Variants in WDR70 observed in about 807,000 individuals in gnomAD.
WDR70 encodes WD repeat-containing protein 70.
WDR70 carries 53 observed loss-of-function variants against 88.6 expected under a neutral mutation model. The ratio of observed to expected loss-of-function variants is 0.60; its 90% CI spans 0.48 to 0.75. The LOEUF (loss-of-function observed/expected upper bound fraction) is 0.75, where lower values mean the gene tolerates loss of function less well. Among genes scored for constraint, WDR70 ranks in the 30% least tolerant of loss-of-function variants. The probability of loss-of-function intolerance (pLI) is 0.00; values close to 1 mark genes in which losing one functional copy is unlikely to be tolerated. For synonymous variants in WDR70, 280 were observed against 270.0 expected (o/e 1.04, Z -0.36); for missense variants, 610 against 823.2 (o/e 0.74, Z 3.17).
intron 10 of WDR70, among the ~76,000 whole-genome samples, chr5:37,605,711 A>G (rs552277640): frequency 2.0e-5 from 3 of 152,290 alleles, no homozygotes; most frequent in African/African-American, 7.2e-5. Context: ...ATGACATTTC[A>G]TATAGATAGG....
chr5:37,524,415 C>T (rs1458341489), intron 9 of WDR70, among the ~76,000 whole-genome samples: 1 of 152,148 alleles, frequency 6.6e-6, no homozygotes, highest in Non-Finnish European at 1.5e-5. Context: ...AAATCCTTTA[C>T]AGACAAGCAA....
At chr5:37,640,529 A>G (rs1421413190) in intron 10 of WDR70, among the ~76,000 whole-genome samples, 2 of 152,168 alleles carry the variant, frequency 1.3e-5, no homozygotes, top group Non-Finnish European at 1.5e-5. Context: ...TGACATTTAG[A>G]TCTACAGACT....
chr5:37,604,062 T>A (rs1329566428), intron 9 of WDR70, among the ~76,000 whole-genome samples: 2 of 152,230 alleles, frequency 1.3e-5, no homozygotes, highest in African/African-American at 2.4e-5. Flanking sequence ...AAACATTTTT[T>A]AAAATGCATT....
chr5:37,591,488 A>G (rs1743530571), intron 9 of WDR70, among the ~76,000 whole-genome samples: 1 of 152,236 alleles, frequency 6.6e-6, no homozygotes, highest in South Asian at 2.1e-4. Flanking sequence ...ACAAATTATG[A>G]AAGATCATTC....
intron 9 of WDR70, among the ~76,000 whole-genome samples, chr5:37,519,975 C>T (rs1033820820): frequency 1.3e-5 from 2 of 152,104 alleles, no homozygotes; most frequent in African/African-American, 4.8e-5. Context: ...ATCTGCTCAT[C>T]CATGACTCAA....
At chr5:37,598,920 C>T (rs182538248) in intron 9 of WDR70, among the ~76,000 whole-genome samples, 5 of 152,298 alleles carry the variant, frequency 3.3e-5, no homozygotes, top group East Asian at 1.9e-4. Flanking sequence ...TTGCCCCAGG[C>T]GCAAATGCTT....
chr5:37,716,015 G>A (rs1747646136), intron 13 of WDR70, among the ~76,000 whole-genome samples: 1 of 152,126 alleles, frequency 6.6e-6, no homozygotes, highest in African/African-American at 2.4e-5. Context: ...GCAAAATTGT[G>A]TAACAGACTC....
intron 10 of WDR70, among the ~76,000 whole-genome samples, chr5:37,689,048 C>T (rs11750837): frequency 0.24 from 36,756 of 152,246 alleles, 5,119 homozygotes; most frequent in Admixed American, 0.38. Context: ...GTGCCTGGCT[C>T]GGCGGGTCCC....
chr5:37,517,996 C>G (rs1740946073), intron 9 of WDR70, among the ~76,000 whole-genome samples: 1 of 151,454 alleles, frequency 6.6e-6, no homozygotes, highest in African/African-American at 2.4e-5. Flanking sequence ...CTCACTGCAC[C>G]TTCCAACTCC....
At chr5:37,658,233 G>A (rs1353635916) in intron 10 of WDR70, among the ~76,000 whole-genome samples, 3 of 151,544 alleles carry the variant, frequency 2.0e-5, no homozygotes, top group Admixed American at 6.6e-5. Context: ...GCAGGGCAAA[G>A]TCTGCATATA....
At chr5:37,692,485 A>C (rs1482676387) in intron 10 of WDR70, among the ~76,000 whole-genome samples, 1 of 152,218 alleles carries the variant, frequency 6.6e-6, no homozygotes, top group African/African-American at 2.4e-5. Flanking sequence ...TGGCAAACTG[A>C]ATCCAGCAGC....
At chr5:37,476,556 T>TTC (rs1228959534) in intron 7 of WDR70, among the ~76,000 whole-genome samples, 2 of 9,892 alleles carry the variant, frequency 2.0e-4, no homozygotes, top group Non-Finnish European at 0.045. Context: ...TTTCTTCTTC[T>TTC]TTTTTTTTTT....
At chr5:37,519,917 T>A (rs1431832828) in intron 9 of WDR70, among the ~76,000 whole-genome samples, 1 of 152,238 alleles carries the variant, frequency 6.6e-6, no homozygotes, top group Non-Finnish European at 1.5e-5. Context: ...TCCCTTTTTC[T>A]CCACATCCTT....
At chr5:37,416,283 C>T (rs570395161) in intron 5 of WDR70, among the ~76,000 whole-genome samples, 1 of 152,292 alleles carries the variant, frequency 6.6e-6, no homozygotes, top group African/African-American at 2.4e-5. Context: ...CCGAGGCTGG[C>T]GGATCACTCG....
intron 2 of WDR70, among the ~76,000 whole-genome samples, chr5:37,381,351 C>T (rs1177957541): frequency 6.6e-6 from 1 of 152,132 alleles, no homozygotes; most frequent in Non-Finnish European, 1.5e-5. Context: ...CTCCCCACAT[C>T]AGTGTTGTTG....
chr5:37,633,397 G>A (rs1479952664), intron 10 of WDR70, among the ~76,000 whole-genome samples: 2 of 151,532 alleles, frequency 1.3e-5, no homozygotes, highest in Non-Finnish European at 2.9e-5. Flanking sequence ...TTTTATTACC[G>A]AGATAGTGAG....
In WDR70 at chr5:37,475,945, A is replaced by G. The variant is rs562963581; in HGVS notation, c.687-3889A>G. ...ACTGCAACCTCCACCTCCCGGGTTC[A>G]AGCAATTCTCCTGCCTCAGCCTCCT... On this transcript the variant is annotated intron_variant, in intron 7 of 17. Transcript: ENST00000265107. 4.0e-5 allele frequency among the ~76,000 whole-genome samples: 6 copies of G among 149,810 alleles called. No individual in the cohort carries two copies. The East Asian group carries it at 1.2e-3, about 30-fold the overall frequency.
At chr5:37,738,489 C>G (rs569889671) in intron 17 of WDR70, among the ~76,000 whole-genome samples, 1 of 152,218 alleles carries the variant, frequency 6.6e-6, no homozygotes, top group African/African-American at 2.4e-5. Flanking sequence ...CGACTTCACT[C>G]TGGCCTGAGT....
chr5:37,637,696 A>G (rs1335973755), intron 10 of WDR70, among the ~76,000 whole-genome samples: 1 of 152,190 alleles, frequency 6.6e-6, no homozygotes, highest in African/African-American at 2.4e-5. Flanking sequence ...CTGGAAGACA[A>G]TCACGTCTCC....
Sources: gnomAD v4.1 joint callset for allele counts (sites outside exome capture counted in the v4.1 genomes callset) on GRCh38, gnomAD v4.1.1 for gene constraint, MANE v1.5 for transcripts, NCBI Gene and HGNC (gene_info 2026-07-23, HGNC 2026-07-21) for gene names.